Variants in CDH18 observed in about 807,000 individuals in gnomAD.
CDH18 encodes cadherin 18.
CDH18 carries 31 observed loss-of-function variants against 67.9 expected under a neutral mutation model. That is an observed-to-expected ratio of 0.46 (90% CI 0.34 to 0.62). CDH18 has a LOEUF of 0.62. Among genes scored for constraint, CDH18 ranks in the 20% least tolerant of loss-of-function variants. The pLI is 0.01. For synonymous variants in CDH18, 362 were observed against 347.2 expected (o/e 1.04, Z -0.48); for missense variants, 890 against 975.5 (o/e 0.91, Z 1.17).
chr5:20,323,864 A>G (rs1222898292), intron 1 of CDH18, among the ~76,000 whole-genome samples: 2 of 152,222 alleles, frequency 1.3e-5, no homozygotes, highest in Non-Finnish European at 2.9e-5. Flanking sequence ...TCAAATATCC[A>G]GAATTCTTGT....
Position 20,282,093 on chromosome 5 carries a change from T to G in CDH18, c.-579-26588A>C, listed in dbSNP as rs537768533. 2.6e-5 allele frequency among the ~76,000 whole-genome samples: 4 copies of G among 152,324 alleles called. No individual in the cohort carries two copies. The South Asian group carries it at 8.3e-4, about 32-fold the overall frequency. ...CCTGAGACTTTGCTGAAGTTGCTTA[T>G]CAGCTTAAGGAGATTTTGGGCTGAG... On this transcript the variant is annotated intron_variant, in intron 1 of 14. Transcript: ENST00000507958.
chr5:19,905,280 T>C (rs1031039201), intron 2 of CDH18, among the ~76,000 whole-genome samples: 2 of 152,158 alleles, frequency 1.3e-5, no homozygotes, highest in East Asian at 1.9e-4. Flanking sequence ...CAGGTTGGTT[T>C]TGTATCCTAA....
At chr5:20,458,443 T>A (rs1033900425) in intron 1 of CDH18, among the ~76,000 whole-genome samples, 11 of 152,106 alleles carry the variant, frequency 7.2e-5, no homozygotes, top group African/African-American at 2.4e-4. Flanking sequence ...CATGGTGAGA[T>A]CCTGTCTCTA....
chr5:20,373,992 T>C (rs1278306241), intron 1 of CDH18, among the ~76,000 whole-genome samples: 1 of 152,076 alleles, frequency 6.6e-6, no homozygotes, highest in Non-Finnish European at 1.5e-5. Context: ...ATGGAAAACA[T>C]AATATTTAAG....
intron 2 of CDH18, among the ~76,000 whole-genome samples, chr5:20,207,979 C>T (rs945709225): frequency 6.6e-6 from 1 of 152,044 alleles, no homozygotes; most frequent in African/African-American, 2.4e-5. Flanking sequence ...TAAACACCAA[C>T]TGAATGGAAC....
chr5:20,370,613 T>C, intron 1 of CDH18, among the ~76,000 whole-genome samples: 1 of 152,220 alleles, frequency 6.6e-6, no homozygotes, highest in Admixed American at 6.5e-5. Context: ...GAAATTTATG[T>C]GCAGTAAGCC....
At chr5:20,548,838 G>T (rs1757484185) in intron 1 of CDH18, among the ~76,000 whole-genome samples, 1 of 152,136 alleles carries the variant, frequency 6.6e-6, no homozygotes, top group African/African-American at 2.4e-5. Flanking sequence ...GTAGCTATGG[G>T]TGATGAAGTC....
At chr5:20,156,805 T>C (rs1387323659) in intron 2 of CDH18, among the ~76,000 whole-genome samples, 2 of 152,204 alleles carry the variant, frequency 1.3e-5, no homozygotes, top group Admixed American at 6.5e-5. Flanking sequence ...TAAAATATGT[T>C]AGCATAAAAA....
intron 2 of CDH18, among the ~76,000 whole-genome samples, chr5:19,872,896 A>G (rs570660629): frequency 1.3e-5 from 2 of 152,278 alleles, no homozygotes; most frequent in South Asian, 2.1e-4. Flanking sequence ...ATCTTTCCCA[A>G]TGGTATTGAT....
At chr5:20,149,498 T>C (rs575631493) in intron 2 of CDH18, among the ~76,000 whole-genome samples, 239 of 152,264 alleles carry the variant, frequency 1.6e-3, no homozygotes, top group Middle Eastern at 0.01. Context: ...ATGGTATTAC[T>C]AACACTGCTA....
chr5:19,847,900 C>A (rs766383698), intron 2 of CDH18, among the ~76,000 whole-genome samples: 1 of 152,112 alleles, frequency 6.6e-6, no homozygotes, highest in African/African-American at 2.4e-5. Flanking sequence ...ACCGCACATC[C>A]GCTGAAGAAC....
At chr5:20,213,962 C>A (rs1041777653) in intron 2 of CDH18, among the ~76,000 whole-genome samples, 6 of 151,946 alleles carry the variant, frequency 3.9e-5, no homozygotes, top group Non-Finnish European at 7.4e-5. Context: ...GATCCTATAT[C>A]TAGAAAACCT....
Position 19,822,274 on chromosome 5 carries a change from A to G in CDH18, c.228+16485T>C, listed in dbSNP as rs7728476. On this transcript the variant is annotated intron_variant, in intron 3 of 12. Transcript: ENST00000382275. The stretch of plus-strand genomic sequence containing the variant: ...TAGGATCAAAGTAAAGGGATAGAGA[A>G]AAATCTGTCATGTAAATGGAAACAA... Among the ~76,000 whole-genome samples, 471 of 152,306 alleles carry G rather than the reference A, an allele frequency of 3.1e-3. 3 individuals carry two copies. The highest frequency in any genetic ancestry group is 0.01 in the African/African-American group (427 of 41,574).
chr5:19,636,610 T>G (rs1753190290), intron 5 of CDH18, among the ~76,000 whole-genome samples: 1 of 151,930 alleles, frequency 6.6e-6, no homozygotes, highest in African/African-American at 2.4e-5. Flanking sequence ...ATTATCAATA[T>G]AAATTAAATC....
Position 19,591,263 on chromosome 5 carries a change from T to A in CDH18, c.812-19A>T. On this transcript the variant is annotated intron_variant, in intron 6 of 12. Coordinates refer to ENST00000382275, the MANE Select transcript of CDH18 (RefSeq NM_004934.5). The stretch of plus-strand genomic sequence containing the variant: ...TAGTGTTCTGGAAGACATTTCATAT[T>A]AAACATATTTAAATACAATGTTCAT... 1 of 1,467,702 alleles carries A rather than the reference T, an allele frequency of 6.8e-7. No homozygotes were observed. Among genetic ancestry groups the A allele is most frequent in the Non-Finnish European group, 9.2e-7 (1 of 1,081,454 alleles). 90.9% of individuals were successfully genotyped at this position (1,467,702 alleles called of 1,614,324 possible). A position where few individuals can be genotyped will look rare whatever the true frequency, so the allele number is the denominator to read the frequency against.
In CDH18 at chr5:19,484,731, G is replaced by A. The variant is rs142419547; in HGVS notation, c.1631-1179C>T. On this transcript the variant is annotated intron_variant, in intron 11 of 12. Transcript: ENST00000382275. The stretch of plus-strand genomic sequence containing the variant: ...TTTTCCATAGGGTCAGCCATTAAGA[G>A]ACATTAAGAGTGAATGTCAGCTCCA... Among the ~76,000 whole-genome samples the A allele has an allele frequency of 2.9e-3, 443 of 152,318 alleles. 3 individuals carry two copies. The highest frequency in any genetic ancestry group is 0.01 in the African/African-American group (424 of 41,560).
chr5:19,487,878 A>C (rs35414955), intron 11 of CDH18, among the ~76,000 whole-genome samples: 41,574 of 152,078 alleles, frequency 0.27, 5,973 homozygotes, highest in African/African-American at 0.36. Flanking sequence ...AATATAATTT[A>C]TCCATCTTTC....
chr5:20,384,428 T>G (rs1301557146), intron 1 of CDH18, among the ~76,000 whole-genome samples: 2 of 152,194 alleles, frequency 1.3e-5, no homozygotes, highest in Admixed American at 1.3e-4. Flanking sequence ...TTCTTTTTTA[T>G]AAGGCTAAAT....
intron 11 of CDH18, among the ~76,000 whole-genome samples, chr5:19,499,399 G>T (rs1209643235): frequency 6.6e-6 from 1 of 151,800 alleles, no homozygotes; most frequent in Non-Finnish European, 1.5e-5. Context: ...GCATATATGT[G>T]CTATATATAC....
Sources: allele counts gnomAD v4.1 joint callset (sites outside exome capture counted in the v4.1 genomes callset), GRCh38; gene constraint gnomAD v4.1.1; transcripts MANE v1.5; gene names NCBI Gene and HGNC (gene_info 2026-07-23, HGNC 2026-07-21).